Variants in BRWD3 observed in about 807,000 individuals in gnomAD.
BRWD3 encodes bromodomain and WD repeat domain containing 3.
BRWD3 carries 10 observed loss-of-function variants against 149.7 expected under a neutral mutation model. That is an observed-to-expected ratio of 0.07 (90% CI 0.04 to 0.11). BRWD3 has a LOEUF of 0.11. Among genes scored for constraint, BRWD3 ranks in the 10% least tolerant of loss-of-function variants. BRWD3 has a pLI of 1.00. For synonymous variants in BRWD3, 504 were observed against 456.7 expected (o/e 1.10, Z -1.32); for missense variants, 940 against 1,373.2 (o/e 0.68, Z 4.99).
At chrX:80,788,085 A>AAAAT (rs554615479) in intron 6 of BRWD3, among the ~76,000 whole-genome samples, 1,664 of 88,228 alleles carry the variant, frequency 0.019, 14 homozygotes, top group South Asian at 0.022. Context: ...CTCTGTCTCA[A>AAAAT]AAATAAATAA....
chrX:80,703,724 A>C, intron 23 of BRWD3, 131 bp from the exon 24 acceptor site: 2 of 449,247 alleles, frequency 4.5e-6, no homozygotes, highest in Non-Finnish European at 7.5e-6. Flanking sequence ...AACCTAAAGT[A>C]TATAAATTTG....
chrX:80,693,202 CA>C (rs1361141031), intron 27 of BRWD3, 151 bp from the exon 28 acceptor site: 10 of 450,461 alleles, frequency 2.2e-5, no homozygotes, highest in Non-Finnish European at 3.9e-5. Context: ...GATTATTTTA[CA>C]TTTTAACCTC....
At chrX:80,714,471 A>G (rs2073047454) in intron 20 of BRWD3, among the ~76,000 whole-genome samples, 1 of 110,148 alleles carries the variant, frequency 9.1e-6, no homozygotes, top group Non-Finnish European at 1.9e-5. Context: ...CTTTCAACCA[A>G]TTTCCAGTCA....
At chrX:80,767,955 C>T (rs184902639) in intron 6 of BRWD3, among the ~76,000 whole-genome samples, 5 of 111,155 alleles carry the variant, frequency 4.5e-5, no homozygotes, top group Admixed American at 1.9e-4. Context: ...ATAGCCGATT[C>T]GATCAATTGG....
Position 80,809,057 on chromosome X carries a change from AAC to A in BRWD3, c.91-17_91-16del, listed in dbSNP as rs1491545699. On this transcript the variant is annotated splice_polypyrimidine_tract_variant and intron_variant, in intron 2 of 40. Coordinates refer to ENST00000373275, the MANE Select transcript of BRWD3 (RefSeq NM_153252.5). ...TGCACTAGCACCTGAGCAAAAGGGAAACACAGATATGAGGAGCAGCTCGGGCC... is the reference window on the plus strand; with the variant it reads ...TGCACTAGCACCTGAGCAAAAGGGAAACAGATATGAGGAGCAGCTCGGGCC... The A allele has an allele frequency of 1.4e-5, 16 of 1,184,768 alleles. No homozygotes were observed. Among genetic ancestry groups the A allele is most frequent in the Admixed American group, 2.4e-5 (1 of 41,901 alleles).
chrX:80,777,054 T>C (rs1331399622), intron 6 of BRWD3, among the ~76,000 whole-genome samples: 1 of 107,691 alleles, frequency 9.3e-6, no homozygotes, highest in Non-Finnish European at 1.9e-5. Flanking sequence ...TAGTGGTCCT[T>C]AGTTGATTAT....
intron 21 of BRWD3, among the ~76,000 whole-genome samples, chrX:80,707,915 T>C (rs2072891714): frequency 8.9e-6 from 1 of 112,069 alleles, no homozygotes; most frequent in African/African-American, 3.2e-5. Flanking sequence ...ATAACCCGTG[T>C]ACACAATCTC....
At position 80,675,245 on chromosome X, in the gene BRWD3, G is replaced by C. The variant is rs978283739; in HGVS notation, c.*1364C>G. On this transcript the variant is annotated 3_prime_UTR_variant, in exon 41 of 41. Coordinates refer to ENST00000373275, the MANE Select transcript of BRWD3 (RefSeq NM_153252.5). ...AAATAATGATTCACAACATGAGTGT[G>C]CAGTGCAATAAGGTTCTTTCCTGAA... 12 of 111,789 alleles carry C rather than the reference G, an allele frequency of 1.1e-4. No individual in the cohort carries two copies. The highest frequency in any genetic ancestry group is 3.6e-4 in the African/African-American group (11 of 30,815). 9.2% of individuals were successfully genotyped at this position (111,789 alleles called of 1,213,427 possible). A position where few individuals can be genotyped will look rare whatever the true frequency, so the allele number is the denominator to read the frequency against.
chrX:80,777,387 G>T (rs759431495), intron 6 of BRWD3, among the ~76,000 whole-genome samples: 3 of 110,505 alleles, frequency 2.7e-5, no homozygotes, highest in Non-Finnish European at 5.7e-5. Flanking sequence ...CAAATTAGTG[G>T]TATTATTATT....
intron 6 of BRWD3, among the ~76,000 whole-genome samples, chrX:80,750,639 T>C (rs1354823250): frequency 9.0e-6 from 1 of 111,326 alleles, no homozygotes; most frequent in Admixed American, 9.6e-5. Context: ...GCAATGTAAA[T>C]TGAAACATTT....
At chrX:80,766,961 C>G (rs765542455) in intron 6 of BRWD3, among the ~76,000 whole-genome samples, 33 of 112,424 alleles carry the variant, frequency 2.9e-4, no homozygotes, top group African/African-American at 9.4e-4. Context: ...GAGATTATAG[C>G]CCGCACCTGT....
chrX:80,723,991 C>A, intron 15 of BRWD3, 115 bp from the exon 16 acceptor site: 1 of 853,409 alleles, frequency 1.2e-6, no homozygotes, highest in Non-Finnish European at 1.7e-6. Context: ...TTCCAAAGTA[C>A]TCTCTCTGGC....
chrX:80,738,631 G>T (rs763961902), intron 8 of BRWD3, among the ~76,000 whole-genome samples: 3 of 109,278 alleles, frequency 2.7e-5, no homozygotes, highest in South Asian at 3.9e-4. Context: ...TGGAGGGGGT[G>T]GGGGGGGCAG....
rs142085721 is a variant in BRWD3 at position 80,744,248 on chromosome X, T to G, written c.597A>C (p.Ser199=). The change falls in exon 8 of 41, where the codon TCA becomes TCC. Residue 199 remains serine (S), a synonymous_variant. Transcript: ENST00000373275. ...DRSGRRIFTG[S]DDCLVKIWAT... ...CCCAAATTTTTACTAAACAGTCATC[T>G]GAACCCTATAGTAACAAAAGGACAA... 9,803 of 1,197,146 alleles carry G rather than the reference T, an allele frequency of 8.2e-3. 37 individuals carry two copies. Among genetic ancestry groups the G allele is most frequent in the Non-Finnish European group, 0.011 (9,282 of 883,406 alleles).
rs2072314796 is a variant in BRWD3, at chrX:80,670,509, A to G, written c.*6100T>C. Among the ~76,000 whole-genome samples the G allele has an allele frequency of 9.1e-6, 1 of 110,192 alleles. No individual in the cohort carries two copies. The highest frequency in any genetic ancestry group is 3.3e-5 in the African/African-American group (1 of 30,221). ...CAGCTCACTGCAGCCTTGACCTCCC[A>G]GGCTCGAGTGATCCTCCCACCTGTC... On this transcript the variant is annotated 3_prime_UTR_variant, in exon 41 of 41. Transcript: ENST00000373275.
rs756197543 is a variant in BRWD3, at chrX:80,707,476, C to T, written c.2503G>A (p.Ala835Thr). The change falls in exon 22 of 41, where the codon GCT (alanine) becomes ACT (threonine). Residue 835 changes from alanine (A) to threonine (T), a missense_variant. Around this residue, in one of 6 missense-constraint regions of BRWD3, gnomAD observed 158 missense variants for 284.0 expected, o/e 0.56. Transcript: ENST00000373275. ...EEDETVGTSD[A>T]SVEDPVVEWQ... ...TCAACAACAGGATCCTCTACCGAAG[C>T]GTCACTTGTGCCAACAGTTTCATCT... The T allele has an allele frequency of 1.7e-6, 2 of 1,211,441 alleles. No homozygotes were observed. Among genetic ancestry groups the T allele is most frequent in the Admixed American group, 2.2e-5 (1 of 46,064 alleles).
intron 14 of BRWD3, among the ~76,000 whole-genome samples, chrX:80,726,302 C>A (rs1410242226): frequency 9.9e-6 from 1 of 100,806 alleles, no homozygotes; most frequent in Non-Finnish European, 2.1e-5. Flanking sequence ...AACACGTTTA[C>A]ATGTTATGTC....
intron 11 of BRWD3, 79 bp from the exon 12 acceptor site, chrX:80,733,575 G>C (rs919024346): frequency 2.6e-6 from 2 of 770,788 alleles, no homozygotes. Context: ...CAAATTCATA[G>C]GCAAAAACAT....
At chrX:80,694,251 G>T (rs2072649841) in intron 27 of BRWD3, among the ~76,000 whole-genome samples, 1 of 111,929 alleles carries the variant, frequency 8.9e-6, no homozygotes, top group Non-Finnish European at 1.9e-5. Flanking sequence ...ATTGAGGTTT[G>T]GGAACCTCTA....
Sources: gnomAD v4.1 joint callset for allele counts (sites outside exome capture counted in the v4.1 genomes callset) on GRCh38, gnomAD v4.1.1 for gene constraint, gnomAD v4.1.1 regional missense constraint, MANE v1.5 for transcripts, NCBI Gene and HGNC (gene_info 2026-07-23, HGNC 2026-07-21) for gene names.